The following DOCK1 variants were observed in gnomAD, a reference collection of about 807,000 sequenced individuals.
DOCK1 encodes dedicator of cytokinesis protein 1.
In DOCK1, 138 loss-of-function variants were observed where a neutral mutation model predicts 262.7. The observed-to-expected ratio is 0.53, with a 90% CI of 0.46 to 0.61. The LOEUF is 0.61. Ranked by LOEUF, DOCK1 falls within the 20% of genes least tolerant of loss-of-function variation. The pLI, the probability that DOCK1 is intolerant of heterozygous loss-of-function variation, is 0.00. For synonymous variants in DOCK1, 866 were observed against 867.4 expected (o/e 1.00, Z 0.03); for missense variants, 1,908 against 2,370.7 (o/e 0.80, Z 4.05).
intron 27 of DOCK1, among the ~76,000 whole-genome samples, chr10:127,212,716 T>G (rs1376193329): frequency 1.3e-5 from 2 of 150,310 alleles, no homozygotes; most frequent in African/African-American, 4.9e-5. Context: ...CACCTGACCA[T>G]GATGGCAGCT....
intron 27 of DOCK1, among the ~76,000 whole-genome samples, chr10:127,220,093 G>A (rs936554302): frequency 6.6e-6 from 1 of 151,988 alleles, no homozygotes; most frequent in Non-Finnish European, 1.5e-5. Flanking sequence ...AGAAAAAAAT[G>A]TTCAAAGATT....
intron 27 of DOCK1, among the ~76,000 whole-genome samples, chr10:127,189,459 T>C (rs2134073721): frequency 6.6e-6 from 1 of 152,282 alleles, no homozygotes; most frequent in African/African-American, 2.4e-5. Flanking sequence ...ACCCTGGGTG[T>C]TTTTGCCACA....
intron 1 of DOCK1, among the ~76,000 whole-genome samples, chr10:126,927,680 G>T (rs2033857875): frequency 3.3e-5 from 5 of 152,180 alleles, no homozygotes; most frequent in Admixed American, 2.6e-4. Flanking sequence ...CAGGTGATCC[G>T]CCCACCTCGG....
At chr10:127,257,077 A>G (rs1191550594) in intron 28 of DOCK1, among the ~76,000 whole-genome samples, 2 of 152,154 alleles carry the variant, frequency 1.3e-5, no homozygotes, top group Non-Finnish European at 2.9e-5. Flanking sequence ...TTGGGGATTT[A>G]CTCTTTAACT....
intron 27 of DOCK1, among the ~76,000 whole-genome samples, chr10:127,236,375 C>T (rs2059054794): frequency 7.5e-6 from 1 of 133,096 alleles, no homozygotes; most frequent in African/African-American, 2.8e-5. Context: ...CCCTCCTTTG[C>T]TCCCTCCCTA....
chr10:127,070,042 T>A (rs1408376228), intron 23 of DOCK1, among the ~76,000 whole-genome samples: 1 of 152,110 alleles, frequency 6.6e-6, no homozygotes, highest in South Asian at 2.1e-4. Flanking sequence ...ATTTCCTGAC[T>A]TGCAGATGCC....
At chr10:126,963,870 C>T (rs2037468657) in intron 1 of DOCK1, among the ~76,000 whole-genome samples, 1 of 152,028 alleles carries the variant, frequency 6.6e-6, no homozygotes, top group South Asian at 2.1e-4. Flanking sequence ...TCTAATCCAG[C>T]CTAAGGCATT....
intron 13 of DOCK1, among the ~76,000 whole-genome samples, chr10:127,022,543 C>T (rs2042511691): frequency 6.6e-6 from 1 of 151,828 alleles, no homozygotes; most frequent in Non-Finnish European, 1.5e-5. Flanking sequence ...CAGGCCTGCA[C>T]CACCACGCCC....
chr10:126,949,647 A>T (rs1338455646), intron 1 of DOCK1, among the ~76,000 whole-genome samples: 2 of 152,162 alleles, frequency 1.3e-5, no homozygotes, highest in East Asian at 3.9e-4. Flanking sequence ...AATTCATGTT[A>T]GACAGCAAAA....
intron 35 of DOCK1, among the ~76,000 whole-genome samples, chr10:127,377,730 A>G (rs139977807): frequency 0.027 from 4,146 of 152,052 alleles, 115 homozygotes; most frequent in Non-Finnish European, 0.033. Flanking sequence ...CATCTCTACT[A>G]AAAATACAAA....
rs747221336 is a variant in DOCK1, at chr10:127,410,859, G to T, written c.4363G>T (p.Val1455Phe). Residue 1455 changes from valine (V) to phenylalanine (F), a missense_variant, in exon 43 of 52, where the codon GTC becomes TTC. This residue lies in a region of DOCK1 where 267 missense variants were observed against 366.3 expected (regional missense o/e 0.73). Transcript: ENST00000623213. Reference sequence around the variant, plus strand: ...GTACAGTTTTTACAGGGTGAACGAGGTCCAGCGATTTGAATATTCTCGGCC... The same window carrying T: ...GTACAGTTTTTACAGGGTGAACGAGTTCCAGCGATTTGAATATTCTCGGCC... Reference protein sequence around the residue: ...QIVSFYRVNEVQRFEYSRPIR... With the variant: ...QIVSFYRVNEFQRFEYSRPIR... The T allele has an allele frequency of 6.2e-7, 1 of 1,613,886 alleles. No individual in the cohort carries two copies. Among genetic ancestry groups the T allele is most frequent in the Non-Finnish European group, 8.5e-7 (1 of 1,179,878 alleles).
At position 127,447,532 on chromosome 10, in the gene DOCK1, C is replaced by G. The variant is rs889763172; in HGVS notation, c.5552C>G (p.Pro1851Arg). ...GGCTCGCCAACACCTCCACCTCCCC[C>G]TCCACACCAGAGGGTAAGTCGGCAA... The part of the protein sequence containing the change: ...LLGSPTPPPP[P>R]PHQRHLPPPL... Residue 1851 changes from proline to arginine, a missense_variant, in exon 51 of 52, where the codon CCT (proline) becomes CGT (arginine). Physicochemically the swap from Pro to Arg is moderately radical, Grantham distance 103 (BLOSUM62 -2). Transcript: ENST00000623213. 1 of 1,613,756 alleles carries G rather than the reference C, an allele frequency of 6.2e-7. No individual in the cohort carries two copies. Among genetic ancestry groups the G allele is most frequent in the East Asian group, 2.2e-5 (1 of 44,872 alleles).
chr10:126,995,653 TGGAGAGGGAGAGGGAGACCGTGGAGAG>T lies in DOCK1; in HGVS notation c.474-1077_474-1051del, dbSNP rs200003152. Among the ~76,000 whole-genome samples the T allele has an allele frequency of 0.22, 32,556 of 151,008 alleles. 4,264 individuals are homozygous for T. Among genetic ancestry groups the T allele is most frequent in the South Asian group, 0.38 (1,818 of 4,742 alleles). ...TGGAGAGAGAGGGAGAGGGAGACCG[TGGAGAGGGAGAGGGAGACCGTGGAGAG>T]GGAGAGGGAGAGGGAGAATGTACTG... On this transcript the variant is annotated intron_variant, in intron 6 of 51. Coordinates refer to ENST00000623213, the MANE Select transcript of DOCK1 (RefSeq NM_001290223.2). This position sits in a 1 kb window ranked among gnomAD's most constrained non-coding sequence, Gnocchi z 5.8.
intron 29 of DOCK1, among the ~76,000 whole-genome samples, chr10:127,290,909 A>G (rs551165298): frequency 1.6e-4 from 25 of 152,334 alleles, no homozygotes; most frequent in Admixed American, 5.9e-4. Context: ...TTGTGTGTGC[A>G]CAAAAGTTTT....
intron 2 of DOCK1, among the ~76,000 whole-genome samples, chr10:126,973,996 G>A (rs2038312323): frequency 1.3e-5 from 2 of 152,114 alleles, no homozygotes; most frequent in African/African-American, 4.8e-5. Context: ...TCAAGTTGTG[G>A]TTAATTTCTC....
intron 1 of DOCK1, among the ~76,000 whole-genome samples, chr10:126,945,530 C>A (rs1222903382): frequency 3.9e-5 from 6 of 152,118 alleles, no homozygotes; most frequent in Non-Finnish European, 8.8e-5. Context: ...GTAACTGAAT[C>A]ATGGAAGTGA....
At chr10:127,410,720 G>A in intron 42 of DOCK1, 120 bp from the exon 43 acceptor site, 1 of 847,912 alleles carries the variant, frequency 1.2e-6, no homozygotes, top group Non-Finnish European at 1.8e-6. Flanking sequence ...ATGGCTTCAG[G>A]TCAAGGTTAG....
intron 27 of DOCK1, among the ~76,000 whole-genome samples, chr10:127,213,522 C>T (rs941730658): frequency 1.3e-5 from 2 of 152,138 alleles, no homozygotes; most frequent in Non-Finnish European, 2.9e-5. Flanking sequence ...AGATTGATCA[C>T]GTGAGATTGG....
chr10:126,942,290 T>C (rs1011582849), intron 1 of DOCK1, among the ~76,000 whole-genome samples: 1 of 152,210 alleles, frequency 6.6e-6, no homozygotes, highest in African/African-American at 2.4e-5. Flanking sequence ...CCCGAAGTGC[T>C]GGGATTATAG....
Sources: allele counts gnomAD v4.1 joint callset (sites outside exome capture counted in the v4.1 genomes callset), GRCh38; gene constraint gnomAD v4.1.1; regional missense constraint gnomAD v4.1.1; non-coding constraint Gnocchi (gnomAD v3.1); transcripts MANE v1.5; gene names NCBI Gene and HGNC (gene_info 2026-07-23, HGNC 2026-07-21).